Variants in MACC1 observed in about 807,000 individuals in gnomAD.
MACC1 encodes the protein metastasis-associated in colon cancer protein 1.
A neutral mutation model predicts 70.7 loss-of-function variants in MACC1; 79 were observed. The observed-to-expected ratio is 1.12, with a 90% CI of 0.93 to 1.35. The LOEUF (loss-of-function observed/expected upper bound fraction) is 1.35, where lower values mean the gene tolerates loss of function less well. Among genes scored for constraint, MACC1 ranks in the 40% most tolerant of loss-of-function variants. MACC1 has a pLI of 0.00. For missense variants in MACC1, 1,106 were observed against 978.1 expected (o/e 1.13, Z -1.74); for synonymous variants, 361 against 347.2 (o/e 1.04, Z -0.44).
chr7:20,158,139 A>G, intron 5 of MACC1, 65 bp downstream of exon 5: 2 of 1,501,662 alleles, frequency 1.3e-6, no homozygotes, highest in South Asian at 1.4e-5. Context: ...ATGTTCAGTT[A>G]TAAATATTGT....
intron 4 of MACC1, among the ~76,000 whole-genome samples, chr7:20,161,005 A>C (rs1273083485): frequency 6.6e-6 from 1 of 152,126 alleles, no homozygotes; most frequent in African/African-American, 2.4e-5. Context: ...TTATTTTGGA[A>C]AGTAAGTGTC....
At chr7:20,192,322 A>G (rs1463443700) in intron 1 of MACC1, among the ~76,000 whole-genome samples, 2 of 152,192 alleles carry the variant, frequency 1.3e-5, no homozygotes, top group Non-Finnish European at 2.9e-5. Flanking sequence ...TGCTATTCTC[A>G]TTGAAATTGC....
At chr7:20,197,909 T>C (rs534922687) in intron 1 of MACC1, among the ~76,000 whole-genome samples, 1 of 152,234 alleles carries the variant, frequency 6.6e-6, no homozygotes, top group Non-Finnish European at 1.5e-5. Flanking sequence ...GCTTATATTG[T>C]TCACTAGAAA....
At chr7:20,160,301 C>A (rs928607534) in intron 4 of MACC1, 56 bp from the exon 5 acceptor site, 11 of 1,479,266 alleles carry the variant, frequency 7.4e-6, no homozygotes, top group Admixed American at 2.6e-5. Flanking sequence ...CTGTGAGTTA[C>A]AATCAAGATT....
intron 6 of MACC1, among the ~76,000 whole-genome samples, chr7:20,149,348 C>G (rs1319911341): frequency 6.6e-6 from 1 of 152,122 alleles, no homozygotes; most frequent in Non-Finnish European, 1.5e-5. Context: ...TCACCTTTTC[C>G]TCTTCCTCTT....
At position 20,158,696 on chromosome 7, in the gene MACC1, T is replaced by C. The variant is rs1240194112; in HGVS notation, c.1665A>G (p.Val555=). Residue 555 remains valine (V), a synonymous_variant, in exon 5 of 7, where the codon GTA becomes GTG. Transcript: ENST00000400331. ...DKTLNFSNYG[V]TLKAVLRQSK... is the part of the protein sequence containing the mutation. Reference sequence around the variant, plus strand: ...TTTGTCTTAGCACTGCCTTCAGGGTTACCCCATAGTTGCTAAAGTTCAATG... The same window carrying C: ...TTTGTCTTAGCACTGCCTTCAGGGTCACCCCATAGTTGCTAAAGTTCAATG... 4 of 1,613,784 alleles carry C rather than the reference T, an allele frequency of 2.5e-6. No individual in the cohort carries two copies. The highest frequency in any genetic ancestry group is 3.4e-6 in the Non-Finnish European group (4 of 1,179,980).
chr7:20,191,465 T>A (rs1200745712), intron 1 of MACC1, among the ~76,000 whole-genome samples: 1 of 135,444 alleles, frequency 7.4e-6, no homozygotes, highest in Admixed American at 7.4e-5. Flanking sequence ...GTAGCTGGCG[T>A]TGGAACTGAT....
chr7:20,195,562 G>A (rs1782738207), intron 1 of MACC1, among the ~76,000 whole-genome samples: 1 of 152,198 alleles, frequency 6.6e-6, no homozygotes, highest in Admixed American at 6.5e-5. Context: ...TTACCTTGGG[G>A]TAAAGATAAC....
At chr7:20,211,031 T>C (rs889786600) in intron 1 of MACC1, among the ~76,000 whole-genome samples, 3 of 152,178 alleles carry the variant, frequency 2.0e-5, no homozygotes, top group Admixed American at 1.3e-4. Context: ...TATGTGTGTA[T>C]GTATGCTCTT....
chr7:20,164,325 C>T lies in MACC1; in HGVS notation c.-78G>A, dbSNP rs933600229. The T allele has an allele frequency of 1.3e-5, 2 of 152,128 alleles. No homozygotes were observed. Among genetic ancestry groups the T allele is most frequent in the Non-Finnish European group, 2.9e-5 (2 of 68,030 alleles). 9.4% of individuals were successfully genotyped at this position (152,128 alleles called of 1,614,324 possible). On this transcript the variant is annotated 5_prime_UTR_variant, in exon 3 of 7. Transcript: ENST00000400331. ...TGACCCCTCCTTCTTTATTGTTATA[C>T]TCTTCTTTCTAATTCTTGATTTTTT...
chr7:20,147,815 G>C (rs933488407), intron 6 of MACC1, among the ~76,000 whole-genome samples: 1 of 152,170 alleles, frequency 6.6e-6, no homozygotes, highest in South Asian at 2.1e-4. Context: ...CCTATTCCTT[G>C]CTAGTGCATC....
chr7:20,187,861 AG>A (rs1325457574), intron 1 of MACC1, among the ~76,000 whole-genome samples: 1 of 152,118 alleles, frequency 6.6e-6, no homozygotes, highest in Admixed American at 6.6e-5. Flanking sequence ...TTTAGTTAAG[AG>A]GAAAAAACTA....
intron 1 of MACC1, among the ~76,000 whole-genome samples, chr7:20,171,586 G>GTTT (rs58352135): frequency 3.1e-5 from 4 of 129,670 alleles, no homozygotes; most frequent in African/African-American, 1.1e-4. Flanking sequence ...AATTATATCT[G>GTTT]TTTTTTTTTT....
chr7:20,135,216 C>T lies in MACC1; in HGVS notation c.*5730G>A, dbSNP rs1781703995. The T allele has an allele frequency of 6.6e-6, 1 of 152,086 alleles. No individual in the cohort carries two copies. The highest frequency in any genetic ancestry group is 6.6e-5 in the Admixed American group (1 of 15,256). 9.4% of individuals were successfully genotyped at this position (152,086 alleles called of 1,614,324 possible). On this transcript the variant is annotated 3_prime_UTR_variant, in exon 7 of 7. Coordinates refer to ENST00000400331, the MANE Select transcript of MACC1 (RefSeq NM_182762.4). ...TTAAAATTATACTGAATACATGTCC[C>T]AAATTATTGTTAACCTATTTTTATT...
Position 20,136,730 on chromosome 7 carries a change from G to C in MACC1, c.*4216C>G, listed in dbSNP as rs1021907193. 2.6e-5 allele frequency: 4 copies of C among 151,936 alleles called. No homozygotes were observed. The highest frequency in any genetic ancestry group is 4.4e-5 in the Non-Finnish European group (3 of 67,978). 9.4% of individuals were successfully genotyped at this position (151,936 alleles called of 1,614,324 possible). Reference sequence around the variant, plus strand: ...TTCACTCTCACTAAACCATACAGCAGCATGTGGGAGAAAAGTTCATACAGA... The same window carrying C: ...TTCACTCTCACTAAACCATACAGCACCATGTGGGAGAAAAGTTCATACAGA... On this transcript the variant is annotated 3_prime_UTR_variant, in exon 7 of 7. Transcript: ENST00000400331.
intron 2 of MACC1, among the ~76,000 whole-genome samples, chr7:20,168,607 C>CTTTAATGGAG (rs1377063968): frequency 1.3e-5 from 2 of 152,180 alleles, no homozygotes; most frequent in East Asian, 3.8e-4. Context: ...CAGTAAATCT[C>CTTTAATGGAG]TTTAATGGAG....
chr7:20,216,214 C>T (rs559034250), intron 1 of MACC1, among the ~76,000 whole-genome samples: 1 of 152,172 alleles, frequency 6.6e-6, no homozygotes, highest in South Asian at 2.1e-4. Flanking sequence ...AAATTAGACC[C>T]ACTGAATATA....
intron 1 of MACC1, among the ~76,000 whole-genome samples, chr7:20,216,627 T>G (rs1783074473): frequency 6.6e-6 from 1 of 152,132 alleles, no homozygotes; most frequent in Non-Finnish European, 1.5e-5. Context: ...CTTTGGTGTG[T>G]TTTCCAAGCT....
In MACC1 at chr7:20,135,452, G is replaced by A. The variant is rs1583372758; in HGVS notation, c.*5494C>T. On this transcript the variant is annotated 3_prime_UTR_variant, in exon 7 of 7. Transcript: ENST00000400331. ...CTCATTTATCTTAAAGCAAATTAGAGGACTTATAAAAAATCTTTCCATTTC... is the reference window on the plus strand; with the variant it reads ...CTCATTTATCTTAAAGCAAATTAGAAGACTTATAAAAAATCTTTCCATTTC... The A allele has an allele frequency of 6.6e-6, 1 of 152,104 alleles. No homozygotes were observed. Among genetic ancestry groups the A allele is most frequent in the African/African-American group, 2.4e-5 (1 of 41,426 alleles). The allele number at this position is 152,104 out of a possible 1,614,324, so 9.4% of individuals were successfully genotyped here. A position where few individuals can be genotyped will look rare whatever the true frequency, so the allele number is the denominator to read the frequency against.
Sources: allele counts gnomAD v4.1 joint callset (sites outside exome capture counted in the v4.1 genomes callset), GRCh38; gene constraint gnomAD v4.1.1; transcripts MANE v1.5; gene names NCBI Gene and HGNC (gene_info 2026-07-23, HGNC 2026-07-21).